VSTM4: variants seen among roughly 807,000 people sequenced by gnomAD.
The protein encoded by VSTM4 is V-set and transmembrane domain-containing protein 4.
Under a neutral mutation model 36.4 loss-of-function variants are expected in VSTM4, and 20 were observed. That is an observed-to-expected ratio of 0.55 (90% CI 0.39 to 0.80). The LOEUF is 0.80. Ranked by LOEUF, VSTM4 falls within the 30% of genes least tolerant of loss-of-function variation. The pLI is 0.00. For missense variants in VSTM4, 392 were observed against 404.5 expected (o/e 0.97, Z 0.26); for synonymous variants, 182 against 173.9 (o/e 1.05, Z -0.37).
chr10:49,029,524 G>A (rs1438606530), intron 7 of VSTM4, among the ~76,000 whole-genome samples: 1 of 152,176 alleles, frequency 6.6e-6, no homozygotes, highest in African/African-American at 2.4e-5. Flanking sequence ...TCTGGATTCA[G>A]AGCCAGTCAG....
At chr10:49,060,227 G>A (rs767522021) in intron 5 of VSTM4, among the ~76,000 whole-genome samples, 1 of 152,204 alleles carries the variant, frequency 6.6e-6, no homozygotes, top group Non-Finnish European at 1.5e-5. Flanking sequence ...AGATTCCTAT[G>A]AGCGGAATTG....
intron 7 of VSTM4, among the ~76,000 whole-genome samples, chr10:49,046,729 G>A (rs1843616537): frequency 6.6e-6 from 1 of 152,192 alleles, no homozygotes; most frequent in Non-Finnish European, 1.5e-5. Context: ...AAATTTCTGA[G>A]TATGGCTTTT....
chr10:49,036,861 C>T (rs1229309784), intron 7 of VSTM4, among the ~76,000 whole-genome samples: 3 of 152,228 alleles, frequency 2.0e-5, no homozygotes, highest in Non-Finnish European at 1.5e-5. Context: ...GGCAGGGTCC[C>T]TCTGAACAAG....
chr10:49,030,097 C>T (rs1843322003), intron 7 of VSTM4, among the ~76,000 whole-genome samples: 1 of 152,208 alleles, frequency 6.6e-6, no homozygotes, highest in African/African-American at 2.4e-5. Context: ...CTGAGCAGAG[C>T]TGTCTGCTGG....
At position 49,019,506 on chromosome 10, in the gene VSTM4, A is replaced by G; in HGVS notation, c.*144T>C. The G allele has an allele frequency of 8.0e-7, 1 of 1,245,034 alleles. No homozygotes were observed. Among genetic ancestry groups the G allele is most frequent in the Non-Finnish European group, 1.1e-6 (1 of 941,186 alleles). 77.1% of individuals were successfully genotyped at this position (1,245,034 alleles called of 1,614,324 possible). A position where few individuals can be genotyped will look rare whatever the true frequency, so the allele number is the denominator to read the frequency against. On this transcript the variant is annotated 3_prime_UTR_variant, in exon 8 of 8. Coordinates refer to ENST00000332853, the MANE Select transcript of VSTM4 (RefSeq NM_001031746.5). The stretch of plus-strand genomic sequence containing the variant: ...GGGAGAGCAGGCTTGTACCTCTTCA[A>G]AGGCACCCAGAATGCTGCTGAAAAG...
intron 3 of VSTM4, among the ~76,000 whole-genome samples, chr10:49,078,040 G>A (rs1050154389): frequency 1.3e-5 from 2 of 152,036 alleles, no homozygotes; most frequent in Admixed American, 6.6e-5. Flanking sequence ...TGTACAGGTG[G>A]CAAACAATCC....
intron 7 of VSTM4, among the ~76,000 whole-genome samples, chr10:49,025,293 A>G (rs1197009568): frequency 6.6e-6 from 1 of 152,188 alleles, no homozygotes; most frequent in African/African-American, 2.4e-5. Context: ...AAAAGAAAAT[A>G]GCCTTCCTGA....
chr10:49,031,575 G>A (rs1173280506), intron 7 of VSTM4, among the ~76,000 whole-genome samples: 4 of 152,202 alleles, frequency 2.6e-5, no homozygotes, highest in African/African-American at 7.2e-5. Context: ...TGTGCTAAAC[G>A]CTAATGAACA....
intron 3 of VSTM4, among the ~76,000 whole-genome samples, chr10:49,084,525 T>G (rs2131999499): frequency 6.6e-6 from 1 of 152,332 alleles, no homozygotes; most frequent in East Asian, 1.9e-4. Flanking sequence ...AGGGGTGAGC[T>G]TGAAAGCAAG....
chr10:49,045,614 G>A lies in VSTM4; in HGVS notation c.837+1369C>T, dbSNP rs150923679. 7.9e-5 allele frequency among the ~76,000 whole-genome samples: 12 copies of A among 152,268 alleles called. No homozygotes were observed. In the East Asian group the frequency reaches 1.9e-3, roughly 25 times the overall value. On this transcript the variant is annotated intron_variant, in intron 7 of 7. Transcript: ENST00000332853. ...ATTCATGACATGCCTCCCTTCTGGA[G>A]GTGGAGCTCAACTCTCCTCACCTTG...
At chr10:49,035,741 G>A (rs1161812922) in intron 7 of VSTM4, among the ~76,000 whole-genome samples, 6 of 151,818 alleles carry the variant, frequency 4.0e-5, no homozygotes, top group African/African-American at 1.2e-4. Context: ...GGGAGGCTGA[G>A]GCAGGAGGAT....
Position 49,101,805 on chromosome 10 carries a change from T to A in VSTM4, c.457+5789A>T, listed in dbSNP as rs530646847. On this transcript the variant is annotated intron_variant, in intron 2 of 7. Transcript: ENST00000332853. ...AAGGATTTCACTGAAGCACTGTTTA[T>A]GTTGGTGAAACACTGGAAGATTCCT... 4.6e-5 allele frequency among the ~76,000 whole-genome samples: 7 copies of A among 152,374 alleles called. No homozygotes were observed. The East Asian group carries it at 1.2e-3, about 25-fold the overall frequency.
chr10:49,113,629 C>T lies in VSTM4; in HGVS notation c.55+1802G>A, dbSNP rs540766954. Among the ~76,000 whole-genome samples the T allele has an allele frequency of 7.2e-5, 11 of 152,284 alleles. No homozygotes were observed. In the East Asian group the frequency reaches 2.1e-3, roughly 29 times the overall value. On this transcript the variant is annotated intron_variant, in intron 1 of 7. Transcript: ENST00000332853. ...CCTCTCAAGCCTACAGATTTGCTAT[C>T]GTAAATATATTGTCTGTCAGTTTTC...
intron 5 of VSTM4, among the ~76,000 whole-genome samples, chr10:49,061,442 T>G (rs61850693): frequency 0.18 from 26,984 of 152,178 alleles, 2,712 homozygotes; most frequent in Non-Finnish European, 0.23. Context: ...ATGCTAATTT[T>G]CTATCTACAG....
chr10:49,077,459 C>G, intron 3 of VSTM4, 133 bp from the exon 4 acceptor site: 1 of 741,826 alleles, frequency 1.3e-6, no homozygotes, highest in Admixed American at 2.1e-5. Flanking sequence ...GGTATTGGTG[C>G]AAGGACAGAC....
chr10:49,090,170 T>A (rs1844446811), intron 2 of VSTM4, among the ~76,000 whole-genome samples: 1 of 152,270 alleles, frequency 6.6e-6, no homozygotes, highest in Admixed American at 6.5e-5. Context: ...AATCTCCTGA[T>A]GGAAGAGCAT....
At position 49,077,222 on chromosome 10, in the gene VSTM4, TG is replaced by T; in HGVS notation, c.630del (p.Arg211GlufsTer2). 1 of 1,613,894 alleles carries T rather than the reference TG, an allele frequency of 6.2e-7. No homozygotes were observed. The highest frequency in any genetic ancestry group is 8.5e-7 in the Non-Finnish European group (1 of 1,180,020). Reference sequence around the variant, plus strand: ...ATGACCTTATCTGTTTTCTTACCTCTGGATTTCCGCTTGTTAAACACAGACT... The same window carrying T: ...ATGACCTTATCTGTTTTCTTACCTCTGATTTCCGCTTGTTAAACACAGACT... ...VWQSVFNKRK[S>X]RVRHYLVKCP... is the part of the protein sequence containing the mutation. On this transcript the variant is annotated frameshift_variant, in exon 4 of 8. Coordinates refer to ENST00000332853, the MANE Select transcript of VSTM4 (RefSeq NM_001031746.5). LOFTEE classifies it high-confidence loss of function.
At chr10:49,110,977 G>T (rs1479892798) in intron 1 of VSTM4, among the ~76,000 whole-genome samples, 7 of 152,226 alleles carry the variant, frequency 4.6e-5, no homozygotes, top group Admixed American at 1.3e-4. Flanking sequence ...TTAGAACTCT[G>T]ATGGCCACAG....
chr10:49,073,155 C>T (rs888813978), intron 4 of VSTM4, among the ~76,000 whole-genome samples: 5 of 152,164 alleles, frequency 3.3e-5, no homozygotes, highest in Non-Finnish European at 5.9e-5. Flanking sequence ...ACAGTCCAGG[C>T]CTCATGGATC....
Sources: gnomAD v4.1 joint callset for allele counts (sites outside exome capture counted in the v4.1 genomes callset) on GRCh38, gnomAD v4.1.1 for gene constraint, MANE v1.5 for transcripts, NCBI Gene and HGNC (gene_info 2026-07-23, HGNC 2026-07-21) for gene names.